Variants in SSBP2 observed in about 807,000 individuals in gnomAD.
SSBP2 encodes single stranded DNA binding protein 2.
A neutral mutation model predicts 61.8 loss-of-function variants in SSBP2; 17 were observed. That is an observed-to-expected ratio of 0.28 (90% CI 0.19 to 0.41). SSBP2 has a LOEUF of 0.41. Among genes scored for constraint, SSBP2 ranks in the 10% least tolerant of loss-of-function variants. The probability of loss-of-function intolerance (pLI) is 1.00; values close to 1 mark genes in which losing one functional copy is unlikely to be tolerated. For synonymous variants in SSBP2, 139 were observed against 141.3 expected (o/e 0.98, Z 0.12); for missense variants, 310 against 458.7 (o/e 0.68, Z 2.96).
At chr5:81,458,993 A>G (rs1018424647) in intron 10 of SSBP2, among the ~76,000 whole-genome samples, 2 of 152,194 alleles carry the variant, frequency 1.3e-5, no homozygotes, top group Non-Finnish European at 2.9e-5. Flanking sequence ...GAGTAAGGGT[A>G]GATGTTTGCA....
At chr5:81,664,935 A>G (rs1750987250) in intron 1 of SSBP2, among the ~76,000 whole-genome samples, 1 of 152,044 alleles carries the variant, frequency 6.6e-6, no homozygotes, top group Admixed American at 6.5e-5. Flanking sequence ...CTCTTTTTGT[A>G]CCAGTGCCAT....
At chr5:81,491,264 G>A (rs1446216093) in intron 5 of SSBP2, among the ~76,000 whole-genome samples, 1 of 152,116 alleles carries the variant, frequency 6.6e-6, no homozygotes, top group African/African-American at 2.4e-5. Flanking sequence ...ATAAAAATAG[G>A]TTACTAATAA....
At position 81,473,143 on chromosome 5, in the gene SSBP2, T is replaced by C. The variant is rs143321243; in HGVS notation, c.570+557A>G. 1.5e-4 allele frequency among the ~76,000 whole-genome samples: 23 copies of C among 152,338 alleles called. No homozygotes were observed. In the East Asian group the frequency reaches 4.2e-3, roughly 28 times the overall value. Reference sequence around the variant, plus strand: ...ATGAAGTCTGTAATGCATATTCTCATAGCCAGCAAATAACATAGTTTGTTT... The same window carrying C: ...ATGAAGTCTGTAATGCATATTCTCACAGCCAGCAAATAACATAGTTTGTTT... On this transcript the variant is annotated intron_variant, in intron 8 of 16. Coordinates refer to ENST00000320672, the MANE Select transcript of SSBP2 (RefSeq NM_012446.5).
At chr5:81,438,873 G>A (rs921017743) in intron 14 of SSBP2, among the ~76,000 whole-genome samples, 6 of 152,214 alleles carry the variant, frequency 3.9e-5, no homozygotes, top group African/African-American at 1.4e-4. Context: ...TCTCTGTGAT[G>A]TTCATTAAGG....
intron 2 of SSBP2, among the ~76,000 whole-genome samples, chr5:81,640,427 T>G (rs990089327): frequency 1.3e-5 from 2 of 152,112 alleles, no homozygotes; most frequent in Non-Finnish European, 2.9e-5. Flanking sequence ...GAACTTGAAG[T>G]TAGAAAAACT....
chr5:81,460,982 C>T (rs140228698), intron 10 of SSBP2, 73 bp downstream of exon 10: 2 of 976,680 alleles, frequency 2.0e-6, no homozygotes, highest in Admixed American at 3.8e-5. Flanking sequence ...CTTTCAAAAG[C>T]AAAATGTTTT....
At chr5:81,579,128 A>C (rs1774454602) in intron 4 of SSBP2, among the ~76,000 whole-genome samples, 1 of 152,070 alleles carries the variant, frequency 6.6e-6, no homozygotes. Context: ...TGGCAGATGA[A>C]GAGGGGGTTG....
intron 10 of SSBP2, among the ~76,000 whole-genome samples, chr5:81,457,935 T>C (rs1242839659): frequency 6.6e-6 from 1 of 152,158 alleles, no homozygotes; most frequent in Non-Finnish European, 1.5e-5. Flanking sequence ...GTACAGGGAT[T>C]ACAGGTGTGA....
intron 1 of SSBP2, among the ~76,000 whole-genome samples, chr5:81,684,571 G>A (rs192530586): frequency 6.6e-6 from 1 of 152,212 alleles, no homozygotes; most frequent in Non-Finnish European, 1.5e-5. Flanking sequence ...AGTCAAAGGA[G>A]GTTATTTGGG....
At chr5:81,676,688 A>ACC (rs1007327132) in intron 1 of SSBP2, among the ~76,000 whole-genome samples, 3 of 151,722 alleles carry the variant, frequency 2.0e-5, no homozygotes, top group Admixed American at 2.0e-4. Flanking sequence ...ATCCTCTCTT[A>ACC]CCCCCTCCTT....
At chr5:81,719,847 T>TAAGAA (rs1755433774) in intron 1 of SSBP2, among the ~76,000 whole-genome samples, 23 of 152,096 alleles carry the variant, frequency 1.5e-4, no homozygotes, top group Admixed American at 1.4e-3. Context: ...TTCAGTGGGC[T>TAAGAA]CCAGGGTGTA....
intron 4 of SSBP2, among the ~76,000 whole-genome samples, chr5:81,558,712 C>T (rs1772795444): frequency 6.6e-6 from 1 of 152,196 alleles, no homozygotes; most frequent in Admixed American, 6.5e-5. Context: ...CTTGGTTAAA[C>T]TTGTATTTTG....
Position 81,710,614 on chromosome 5 carries a change from C to CT in SSBP2, c.62+40366dup, listed in dbSNP as rs1754710016. The CT allele has an allele frequency of 1.1e-5, 5 of 438,904 alleles. No homozygotes were observed. The East Asian group carries it at 3.5e-4, about 31-fold the overall frequency. 27.2% of individuals were successfully genotyped at this position (438,904 alleles called of 1,614,324 possible). ...TCAACTGAAAACAACTTATTCTTAA[C>CT]TGACAAGCACAAACCTACAAATAGG... On this transcript the variant is annotated intron_variant, in intron 1 of 16. Coordinates refer to ENST00000320672, the MANE Select transcript of SSBP2 (RefSeq NM_012446.5).
chr5:81,671,916 G>A (rs1230436495), intron 1 of SSBP2, among the ~76,000 whole-genome samples: 1 of 151,844 alleles, frequency 6.6e-6, no homozygotes, highest in Non-Finnish European at 1.5e-5. Flanking sequence ...GGATTTTTAA[G>A]GAAAGAATAA....
At chr5:81,635,652 C>G (rs1027983749) in intron 3 of SSBP2, among the ~76,000 whole-genome samples, 1 of 148,706 alleles carries the variant, frequency 6.7e-6, no homozygotes, top group Non-Finnish European at 1.5e-5. Context: ...GGTGCAATCT[C>G]GGCTCACTGC....
At chr5:81,549,926 G>C (rs1342329113) in intron 4 of SSBP2, among the ~76,000 whole-genome samples, 2 of 152,076 alleles carry the variant, frequency 1.3e-5, no homozygotes, top group African/African-American at 2.4e-5. Flanking sequence ...TTAGATTTTG[G>C]TATATCCCTT....
chr5:81,551,297 G>A (rs1424075843), intron 4 of SSBP2, among the ~76,000 whole-genome samples: 3 of 151,948 alleles, frequency 2.0e-5, no homozygotes, highest in Admixed American at 2.0e-4. Context: ...TTAAGTATAT[G>A]TATCTGCTTG....
At chr5:81,430,243 T>A (rs1371248818) in intron 15 of SSBP2, among the ~76,000 whole-genome samples, 1 of 152,232 alleles carries the variant, frequency 6.6e-6, no homozygotes, top group Non-Finnish European at 1.5e-5. Context: ...TTACTTATAA[T>A]TTATAAATTC....
intron 1 of SSBP2, among the ~76,000 whole-genome samples, chr5:81,688,083 G>T (rs1234025201): frequency 1.3e-5 from 2 of 152,010 alleles, no homozygotes; most frequent in Non-Finnish European, 2.9e-5. Flanking sequence ...TGGCATTTCT[G>T]GACCTGTCCT....
Sources: allele counts gnomAD v4.1 joint callset (sites outside exome capture counted in the v4.1 genomes callset), GRCh38; gene constraint gnomAD v4.1.1; transcripts MANE v1.5; gene names NCBI Gene and HGNC (gene_info 2026-07-23, HGNC 2026-07-21).